The following MROH6 variants were observed in gnomAD, a reference collection of about 807,000 sequenced individuals.
MROH6 encodes the protein maestro heat like repeat family member 6.
In MROH6, 62 loss-of-function variants were observed where a neutral mutation model predicts 67.7. That is an observed-to-expected ratio of 0.92 (90% CI 0.75 to 1.13). The LOEUF is 1.13. MROH6 is among the 50% of genes most tolerant of loss of function. The pLI is 0.00. For synonymous variants in MROH6, 566 were observed against 470.8 expected (o/e 1.20, Z -2.62); for missense variants, 1,175 against 1,029.1 (o/e 1.14, Z -1.94).
intron 10 of MROH6, 26 bp downstream of exon 10, chr8:143,568,526 G>A (rs1823769227): frequency 3.3e-6 from 5 of 1,508,996 alleles, no homozygotes; most frequent in Non-Finnish European, 4.4e-6. Flanking sequence ...TGGCATAGGG[G>A]TGGGATGGTG....
At chr8:143,570,149 C>CCCCT in intron 6 of MROH6, 84 bp from the exon 7 acceptor site, 1 of 1,564,784 alleles carries the variant, frequency 6.4e-7, no homozygotes, top group South Asian at 1.1e-5. Flanking sequence ...CACCCTCATG[C>CCCCT]CCCTGCCTTT....
chr8:143,570,829 A>ACCCCCCCCCC, intron 4 of MROH6, 48 bp downstream of exon 4: 1 of 572,446 alleles, frequency 1.7e-6, no homozygotes, highest in South Asian at 1.9e-5. Flanking sequence ...GCTCCTCGCC[A>ACCCCCCCCCC]CCCCCCACCC....
At position 143,570,866 on chromosome 8, in the gene MROH6, G is replaced by T; in HGVS notation, c.720+11C>A. 1 of 1,526,476 alleles carries T rather than the reference G, an allele frequency of 6.6e-7. No homozygotes were observed. The allele number at this position is 1,526,476 out of a possible 1,614,324, so 94.6% of individuals were successfully genotyped here. On this transcript the variant is annotated intron_variant, in intron 4 of 13. Transcript: ENST00000398882. ...CGCCCCCACCCCCTGGTAATGGCTGGAGCCACCTACCGCCAGTGCCTGGGG... is the reference window on the plus strand; with the variant it reads ...CGCCCCCACCCCCTGGTAATGGCTGTAGCCACCTACCGCCAGTGCCTGGGG...
chr8:143,570,104 C>T (rs572501326), intron 6 of MROH6, 39 bp from the exon 7 acceptor site: 4 of 1,592,264 alleles, frequency 2.5e-6, no homozygotes, highest in South Asian at 1.1e-5. Flanking sequence ...CTCCGTTTGG[C>T]GGCCTTTCTC....
At position 143,571,807 on chromosome 8, in the gene MROH6, C is replaced by A. The variant is rs1824061179; in HGVS notation, c.462G>T (p.Val154=). 17 of 1,546,808 alleles carry A rather than the reference C, an allele frequency of 1.1e-5. No individual in the cohort carries two copies. The highest frequency in any genetic ancestry group is 1.5e-5 in the Non-Finnish European group (17 of 1,147,850). The change falls in exon 3 of 14, where the codon GTG becomes GTT. Residue 154 remains valine, a synonymous_variant. Transcript: ENST00000398882. ...TGGGCACCTGCGCCAGCAGCCCACG[C>A]ACCAGAGCATGCACCTGGTGGGGAA... ...ERLEDQVHAL[V]RGLLAQVPSL...
intron 7 of MROH6, 46 bp from the exon 8 acceptor site, chr8:143,569,886 G>T (rs1480956995): frequency 6.2e-7 from 1 of 1,610,248 alleles, no homozygotes; most frequent in Non-Finnish European, 8.5e-7. Context: ...CCCCGTGCAG[G>T]CCGCTGCGAT....
At chr8:143,568,334 G>A (rs966715118) in intron 10 of MROH6, 73 bp from the exon 11 acceptor site, 5 of 1,526,748 alleles carry the variant, frequency 3.3e-6, no homozygotes, top group Non-Finnish European at 4.4e-6. Flanking sequence ...GGAAGAGGGG[G>A]AGCAAGGGCA....
rs551273130 is a variant in MROH6, at chr8:143,571,785, G to C, written c.484C>G (p.Pro162Ala). 1.3e-6 allele frequency: 2 copies of C among 1,547,766 alleles called. No homozygotes were observed. Among genetic ancestry groups the C allele is most frequent in the East Asian group, 4.9e-5 (2 of 41,146 alleles). ...ALVRGLLAQV[P>A]SLAEGRPWRA... is the part of the protein sequence containing the mutation. Reference sequence around the variant, plus strand: ...CAGGGCCTCCCCTCCGCTAGGCTGGGCACCTGCGCCAGCAGCCCACGCACC... The same window carrying C: ...CAGGGCCTCCCCTCCGCTAGGCTGGCCACCTGCGCCAGCAGCCCACGCACC... Residue 162 changes from proline (P) to alanine (A), a missense_variant, in exon 3 of 14, where the codon CCC becomes GCC. Coordinates refer to ENST00000398882, the MANE Select transcript of MROH6 (RefSeq NM_001100878.2).
chr8:143,571,646 G>A (rs1475006810), intron 3 of MROH6, 21 bp downstream of exon 3: 6 of 1,557,804 alleles, frequency 3.9e-6, no homozygotes, highest in Non-Finnish European at 5.2e-6. Flanking sequence ...GGGGACCGCA[G>A]GGCCAGGACG....
chr8:143,572,339 C>A, intron 1 of MROH6, 82 bp downstream of exon 1: 2 of 1,476,650 alleles, frequency 1.4e-6, no homozygotes, highest in Non-Finnish European at 1.8e-6. Context: ...GCCAGCACCG[C>A]CCCCCTGCCA....
chr8:143,572,474 C>T lies in MROH6; in HGVS notation c.241G>A (p.Glu81Lys), dbSNP rs372845967. The change falls in exon 1 of 14, where the codon GAG becomes AAG. Residue 81 changes from glutamate (E) to lysine (K), a missense_variant. Coordinates refer to ENST00000398882, the MANE Select transcript of MROH6 (RefSeq NM_001100878.2). ...AGGGCACTGTTGAGGGAGCAGGGCT[C>T]GCTGCCAGCTTCAGGGACGGTGGCC... ...RGATVPEAGS[E>K]PCSLNSALEP... The T allele has an allele frequency of 9.2e-5, 147 of 1,601,444 alleles. No individual in the cohort carries two copies. The highest frequency in any genetic ancestry group is 6.4e-5 in the Non-Finnish European group (75 of 1,176,712).
Position 143,569,717 on chromosome 8 carries a change from G to T in MROH6, c.1282C>A (p.Leu428Ile). The T allele has an allele frequency of 1.2e-6, 2 of 1,613,078 alleles. No individual in the cohort carries two copies. The highest frequency in any genetic ancestry group is 1.1e-5 in the South Asian group (1 of 91,082). Residue 428 changes from leucine to isoleucine, a missense_variant, in exon 8 of 14, where the codon CTC becomes ATC. Coordinates refer to ENST00000398882, the MANE Select transcript of MROH6 (RefSeq NM_001100878.2). The stretch of plus-strand genomic sequence containing the variant: ...CACACCTTCCTGCGATTCAGCGCGA[G>T]GTGGCCCAGGCCCAGCAGGCCCAAC... The part of the protein sequence containing the change: ...RWLGLLGLGH[L>I]ALNRRKVRHV...
rs747741677 is a variant in MROH6, at chr8:143,570,476, G to T, written c.902C>A (p.Ala301Asp). The T allele has an allele frequency of 2.5e-6, 4 of 1,611,686 alleles. No individual in the cohort carries two copies. Among genetic ancestry groups the T allele is most frequent in the Admixed American group, 1.7e-5 (1 of 59,940 alleles). ...GTAACCTGGTGTTGCCTCTCACCTG[G>T]CATGGCTATGTGGTGGCCCTCGGTG... ...LSHRGPPHSH[A>D]SCAVEALKAL... The change falls in exon 5 of 14, where the codon GCC becomes GAC. Residue 301 changes from alanine to aspartate, a missense_variant. Physicochemically the swap from Ala to Asp is moderately radical, Grantham distance 126. Coordinates refer to ENST00000398882, the MANE Select transcript of MROH6 (RefSeq NM_001100878.2).
chr8:143,567,304 C>A lies in MROH6; in HGVS notation c.2095G>T (p.Asp699Tyr), dbSNP rs537602741. 157 of 1,221,122 alleles carry A rather than the reference C, an allele frequency of 1.3e-4. No homozygotes were observed. In the African/African-American group the frequency reaches 1.7e-3, roughly 13 times the overall value. 75.6% of individuals were successfully genotyped at this position (1,221,122 alleles called of 1,614,324 possible). The stretch of plus-strand genomic sequence containing the variant: ...ACGCTCCGGCGCTGGAAGGGGCTGT[C>A]GGCGAAGACTGGTGGGGGCCGGGCG... ...RPARPPPVFA[D>Y]SPFQRRSVAG... Residue 699 changes from aspartate to tyrosine, a missense_variant, in exon 14 of 14, where the codon GAC becomes TAC. Asp to Tyr is a radical substitution (Grantham distance 160). Transcript: ENST00000398882.
intron 8 of MROH6, 30 bp from the exon 9 acceptor site, chr8:143,569,644 G>A (rs1345256457): frequency 6.3e-6 from 10 of 1,594,986 alleles, no homozygotes; most frequent in African/African-American, 1.3e-5. Context: ...GCCTCTTGCA[G>A]ACCTCGCCGC....
In MROH6 at chr8:143,570,378, C is replaced by G; in HGVS notation, c.908G>C (p.Cys303Ser). The G allele has an allele frequency of 6.2e-7, 1 of 1,610,392 alleles. No homozygotes were observed. The highest frequency in any genetic ancestry group is 8.5e-7 in the Non-Finnish European group (1 of 1,179,266). ...HRGPPHSHAS[C>S]AVEALKALLT... ...CAGCGCCTTCAAGGCCTCCACAGCA[C>G]AGCTGGTGGTGGGGACAGTGAGCAG... Residue 303 changes from cysteine (C) to serine (S), a missense_variant and splice_region_variant, in exon 6 of 14, where the codon TGT (cysteine) becomes TCT (serine). Physicochemically the swap from Cys to Ser is moderately radical, Grantham distance 112. Transcript: ENST00000398882.
chr8:143,572,290 T>C, intron 1 of MROH6, 105 bp from the exon 2 acceptor site: 1 of 1,535,360 alleles, frequency 6.5e-7, no homozygotes, highest in Non-Finnish European at 8.8e-7. Flanking sequence ...CTTGCTCCTC[T>C]GTTGCTCACC....
chr8:143,568,489 G>T, intron 10 of MROH6, 63 bp downstream of exon 10: 1 of 1,463,108 alleles, frequency 6.8e-7, no homozygotes, highest in South Asian at 1.4e-5. Context: ...TCGGAGGGGA[G>T]GCACGGTGGG....
At position 143,567,897 on chromosome 8, in the gene MROH6, A is replaced by G. The variant is rs1376008651; in HGVS notation, c.1765-9T>C. On this transcript the variant is annotated splice_polypyrimidine_tract_variant and intron_variant, in intron 11 of 13. Coordinates refer to ENST00000398882, the MANE Select transcript of MROH6 (RefSeq NM_001100878.2). ...CCTGGGTATCGCTGAACCTGGGGAC[A>G]AAAGGGCTAGTGGCAGGACAGGAGG... 6.6e-7 allele frequency: 1 copy of G among 1,519,744 alleles called. No individual in the cohort carries two copies. The highest frequency in any genetic ancestry group is 8.8e-7 in the Non-Finnish European group (1 of 1,135,466). 94.1% of individuals were successfully genotyped at this position (1,519,744 alleles called of 1,614,324 possible). A position where few individuals can be genotyped will look rare whatever the true frequency, so the allele number is the denominator to read the frequency against.
Sources: allele counts gnomAD v4.1 joint callset, GRCh38; gene constraint gnomAD v4.1.1; transcripts MANE v1.5; gene names NCBI Gene and HGNC (gene_info 2026-07-23, HGNC 2026-07-21).